KCNIP4: variants seen among roughly 807,000 people sequenced by gnomAD.
The protein encoded by KCNIP4 is potassium voltage-gated channel interacting protein 4.
In KCNIP4, 12 loss-of-function variants were observed where a neutral mutation model predicts 34.0. The observed-to-expected ratio is 0.35, with a 90% confidence interval of 0.23 to 0.57. KCNIP4 has a LOEUF of 0.57. Ranked by LOEUF, KCNIP4 falls within the 20% of genes least tolerant of loss-of-function variation. The pLI, the probability that KCNIP4 is intolerant of heterozygous loss-of-function variation, is 0.83. For missense variants in KCNIP4, 238 were observed against 311.7 expected (o/e 0.76, Z 1.78); for synonymous variants, 124 against 102.2 (o/e 1.21, Z -1.29).
chr4:21,015,677 GTATA>G, intron 1 of KCNIP4, among the ~76,000 whole-genome samples: 1 of 72,302 alleles, frequency 1.4e-5, no homozygotes, highest in Non-Finnish European at 2.5e-5. Flanking sequence ...ATATAATATA[GTATA>G]TTGCATTAAT....
At chr4:21,456,062 G>A (rs1469659981) in intron 1 of KCNIP4, among the ~76,000 whole-genome samples, 2 of 145,866 alleles carry the variant, frequency 1.4e-5, no homozygotes, top group East Asian at 3.9e-4. Flanking sequence ...TTAATACGAA[G>A]AGAAGAAAAC....
At chr4:21,745,745 C>T (rs900316543) in intron 1 of KCNIP4, among the ~76,000 whole-genome samples, 2 of 152,074 alleles carry the variant, frequency 1.3e-5, no homozygotes, top group African/African-American at 2.4e-5. Context: ...TAAACATATA[C>T]ATGCTTTATG....
At chr4:21,082,713 A>G (rs921021317) in intron 1 of KCNIP4, among the ~76,000 whole-genome samples, 1 of 151,818 alleles carries the variant, frequency 6.6e-6, no homozygotes, top group Admixed American at 6.6e-5. Context: ...GACTAATTCA[A>G]CTAGAACTGA....
intron 1 of KCNIP4, among the ~76,000 whole-genome samples, chr4:21,790,918 T>C (rs569206313): frequency 1.2e-4 from 17 of 139,918 alleles, no homozygotes; most frequent in African/African-American, 4.2e-4. Flanking sequence ...GCTTAACTCT[T>C]GCATTCATTC....
intron 1 of KCNIP4, among the ~76,000 whole-genome samples, chr4:20,903,215 C>T (rs1727363231): frequency 6.6e-6 from 1 of 152,152 alleles, no homozygotes; most frequent in African/African-American, 2.4e-5. Flanking sequence ...TTTAACAATG[C>T]AAAATGAAAT....
chr4:20,938,753 C>T (rs1379317306), intron 1 of KCNIP4, among the ~76,000 whole-genome samples: 1 of 152,154 alleles, frequency 6.6e-6, no homozygotes, highest in Non-Finnish European at 1.5e-5. Context: ...ACATATTCTC[C>T]AATTGTATAG....
At chr4:21,520,474 G>A (rs1735430962) in intron 1 of KCNIP4, among the ~76,000 whole-genome samples, 1 of 152,148 alleles carries the variant, frequency 6.6e-6, no homozygotes, top group Non-Finnish European at 1.5e-5. Flanking sequence ...GAACCCAGGT[G>A]ACCTCATTCT....
At chr4:20,797,949 A>G (rs1195527066) in intron 3 of KCNIP4, among the ~76,000 whole-genome samples, 1 of 152,206 alleles carries the variant, frequency 6.6e-6, no homozygotes, top group Non-Finnish European at 1.5e-5. Context: ...GACCTACACA[A>G]TTGTTAGCTA....
chr4:21,834,936 A>G lies in KCNIP4; in HGVS notation c.61+113635T>C, dbSNP rs1319737732. Among the ~76,000 whole-genome samples, 3 of 152,084 alleles carry G rather than the reference A, an allele frequency of 2.0e-5. No homozygotes were observed. In the East Asian group the frequency reaches 5.8e-4, roughly 29 times the overall value. ...ATTGAACCAGCCTTGCATCCCAGGGATGAAGCCCACTTGATCATGGTGGAT... is the reference window on the plus strand; with the variant it reads ...ATTGAACCAGCCTTGCATCCCAGGGGTGAAGCCCACTTGATCATGGTGGAT... On this transcript the variant is annotated intron_variant, in intron 1 of 8. Transcript: ENST00000382152.
chr4:21,059,448 G>C (rs1408424818), intron 1 of KCNIP4, among the ~76,000 whole-genome samples: 6 of 152,082 alleles, frequency 3.9e-5, no homozygotes, highest in Non-Finnish European at 7.4e-5. Context: ...GGAACCCTCA[G>C]CCATGGATCC....
At chr4:21,617,791 A>G (rs1044932871) in intron 1 of KCNIP4, among the ~76,000 whole-genome samples, 26 of 152,148 alleles carry the variant, frequency 1.7e-4, no homozygotes, top group Non-Finnish European at 3.2e-4. Context: ...GGGCTGTTTC[A>G]AACACCCCCA....
intron 1 of KCNIP4, among the ~76,000 whole-genome samples, chr4:21,231,210 C>T: frequency 6.6e-6 from 1 of 152,224 alleles, no homozygotes; most frequent in South Asian, 2.1e-4. Context: ...AAATTGGAGG[C>T]ATGCCAAAAT....
intron 1 of KCNIP4, among the ~76,000 whole-genome samples, chr4:21,293,995 G>C (rs763605862): frequency 1.4e-4 from 21 of 152,200 alleles, no homozygotes; most frequent in African/African-American, 4.8e-4. Flanking sequence ...ACCACTTCTA[G>C]TTATATGATC....
chr4:21,522,176 T>C (rs539620793), intron 1 of KCNIP4, among the ~76,000 whole-genome samples: 2 of 152,114 alleles, frequency 1.3e-5, no homozygotes, highest in African/African-American at 2.4e-5. Context: ...AGTCTACACA[T>C]AATCATCCCC....
chr4:21,318,068 C>G (rs1355407620), intron 1 of KCNIP4, among the ~76,000 whole-genome samples: 1 of 152,216 alleles, frequency 6.6e-6, no homozygotes, highest in Admixed American at 6.5e-5. Flanking sequence ...CCTGCCTGCT[C>G]TAGCTGACAC....
intron 1 of KCNIP4, among the ~76,000 whole-genome samples, chr4:21,410,854 T>C (rs62295483): frequency 0.21 from 32,506 of 152,148 alleles, 4,285 homozygotes; most frequent in Non-Finnish European, 0.3. Flanking sequence ...TGTAGGTACC[T>C]GAAGTGGCAA....
intron 5 of KCNIP4, among the ~76,000 whole-genome samples, chr4:20,738,322 C>A (rs1750203046): frequency 6.6e-6 from 1 of 152,058 alleles, no homozygotes; most frequent in Admixed American, 6.6e-5. Context: ...GGGAGCTGGC[C>A]ACAGGGTCTT....
chr4:21,435,332 C>T (rs1429100231), intron 1 of KCNIP4, among the ~76,000 whole-genome samples: 2 of 152,150 alleles, frequency 1.3e-5, no homozygotes, highest in South Asian at 2.1e-4. Flanking sequence ...CAACCAGATG[C>T]TATTCTAGTC....
intron 3 of KCNIP4, among the ~76,000 whole-genome samples, chr4:20,821,707 C>T (rs1717129083): frequency 6.6e-6 from 1 of 152,114 alleles, no homozygotes; most frequent in Admixed American, 6.5e-5. Context: ...AGCTTAGCTC[C>T]CATTTATAAG....
Sources: gnomAD v4.1 joint callset for allele counts (sites outside exome capture counted in the v4.1 genomes callset) on GRCh38, gnomAD v4.1.1 for gene constraint, MANE v1.5 for transcripts, NCBI Gene and HGNC (gene_info 2026-07-23, HGNC 2026-07-21) for gene names.